SLC37A1: variants seen among roughly 807,000 people sequenced by gnomAD.
SLC37A1 encodes glucose-6-phosphate exchanger SLC37A1.
Under a neutral mutation model 75.3 loss-of-function variants are expected in SLC37A1, and 49 were observed. That is an observed-to-expected ratio of 0.65 (90% CI 0.52 to 0.83). The LOEUF (loss-of-function observed/expected upper bound fraction) is 0.83, where lower values mean the gene tolerates loss of function less well. Ranked by LOEUF, SLC37A1 falls within the 40% of genes least tolerant of loss-of-function variation. The pLI is 0.00. For missense variants in SLC37A1, 566 were observed against 695.0 expected, an observed-to-expected ratio of 0.81 and a Z score of 2.09; for synonymous variants, 268 against 292.1, an observed-to-expected ratio of 0.92 and a Z score of 0.84.
chr21:42,542,463 C>A lies in SLC37A1; in HGVS notation c.546C>A (p.Asn182Lys). 1 of 1,614,096 alleles carries A rather than the reference C, an allele frequency of 6.2e-7. No homozygotes were observed. The highest frequency in any genetic ancestry group is 8.5e-7 in the Non-Finnish European group (1 of 1,179,952). ...GWPSVVTCLG[N>K]WFGKGRRGLI... ...CCAGCGTCGTCACCTGCCTCGGCAA[C>A]TGGTTTGGAAAAGGAAGGTGAGAAA... The change falls in exon 7 of 20, where the codon AAC becomes AAA. Residue 182 changes from asparagine (N) to lysine (K), a missense_variant. By Grantham distance (94) the Asn-to-Lys change is moderately conservative. Coordinates refer to ENST00000352133, the MANE Select transcript of SLC37A1 (RefSeq NM_001320537.2).
At position 42,581,075 on chromosome 21, in the gene SLC37A1, C is replaced by T. The variant is rs117081037; in HGVS notation, c.*715C>T. On this transcript the variant is annotated 3_prime_UTR_variant, in exon 20 of 20. Coordinates refer to ENST00000352133, the MANE Select transcript of SLC37A1 (RefSeq NM_001320537.2). Reference sequence around the variant, plus strand: ...CCCCAAAGTCACCGTCATCCCAGCCCCTGGCCTTCCTGCTGCCCTCCGGGG... The same window carrying T: ...CCCCAAAGTCACCGTCATCCCAGCCTCTGGCCTTCCTGCTGCCCTCCGGGG... The T allele has an allele frequency of 5.5e-3, 847 of 152,724 alleles. 7 individuals carry two copies. Among genetic ancestry groups the T allele is most frequent in the Non-Finnish European group, 9.8e-3 (672 of 68,248 alleles). 9.5% of individuals were successfully genotyped at this position (152,724 alleles called of 1,614,324 possible). A position where few individuals can be genotyped will look rare whatever the true frequency, so the allele number is the denominator to read the frequency against.
rs535674079 is a variant in SLC37A1, at chr21:42,547,460, C to T, written c.768+320C>T. 42 of 295,944 alleles carry T rather than the reference C, an allele frequency of 1.4e-4. No homozygotes were observed. The highest frequency in any genetic ancestry group is 5.4e-4 in the African/African-American group (25 of 46,362). The allele number at this position is 295,944 out of a possible 1,614,324, so 18.3% of individuals were successfully genotyped here. On this transcript the variant is annotated intron_variant, in intron 9 of 19. Transcript: ENST00000352133. The surrounding 1 kb of genome is among the most constrained non-coding windows in gnomAD (Gnocchi z 6.1). ...GGTTTCCCCAGGGGCCTCAGTGTGA[C>T]GGGGAAAAACGCACGTGTCAGCTGC...
At chr21:42,579,840 G>T in intron 19 of SLC37A1, 40 bp downstream of exon 19, 3 of 1,603,180 alleles carry the variant, frequency 1.9e-6, no homozygotes, top group South Asian at 2.2e-5. Flanking sequence ...CGTGAAAGCC[G>T]GCTCCAAAGT....
intron 16 of SLC37A1, among the ~76,000 whole-genome samples, chr21:42,567,800 C>T (rs2056017700): frequency 1.3e-5 from 2 of 152,168 alleles, no homozygotes; most frequent in Non-Finnish European, 2.9e-5. Flanking sequence ...ATTGTCTATG[C>T]AACATTTTCA....
At chr21:42,519,062 C>T (rs147082569) in intron 2 of SLC37A1, among the ~76,000 whole-genome samples, 58 of 152,310 alleles carry the variant, frequency 3.8e-4, no homozygotes, top group African/African-American at 1.4e-3. Flanking sequence ...AGCTGGGCTC[C>T]CTGGCCTCTA....
chr21:42,554,284 T>A (rs1037177751), intron 10 of SLC37A1, 142 bp downstream of exon 10: 5 of 717,746 alleles, frequency 7.0e-6, no homozygotes, highest in Non-Finnish European at 9.0e-6. Context: ...CTCATTGTAT[T>A]TCTTCAGTAA....
intron 17 of SLC37A1, among the ~76,000 whole-genome samples, chr21:42,569,483 ACCTCGTGCCGCACTC>A (rs145509377): frequency 0.36 from 23,244 of 63,762 alleles, 2,563 homozygotes; most frequent in Non-Finnish European, 0.4. Flanking sequence ...CCCACAGGTG[ACCTCGTGCCGCACTC>A]CCTCGTGCCG....
intron 1 of SLC37A1, among the ~76,000 whole-genome samples, chr21:42,516,240 G>T (rs962571497): frequency 2.0e-5 from 3 of 152,240 alleles, no homozygotes; most frequent in Non-Finnish European, 4.4e-5. Context: ...CCATTCTGCT[G>T]CCCTTTCTCT....
At chr21:42,564,376 G>A (rs1007683982) in intron 13 of SLC37A1, among the ~76,000 whole-genome samples, 2 of 152,206 alleles carry the variant, frequency 1.3e-5, no homozygotes, top group African/African-American at 4.8e-5. Context: ...GTGACAGAGT[G>A]AGACCCCATC....
intron 2 of SLC37A1, among the ~76,000 whole-genome samples, chr21:42,519,820 T>G (rs1379752555): frequency 6.6e-6 from 1 of 152,238 alleles, no homozygotes; most frequent in African/African-American, 2.4e-5. Context: ...ATGTCTAGCT[T>G]CTTCATTTTG....
chr21:42,572,972 G>A (rs2056221843), intron 17 of SLC37A1, among the ~76,000 whole-genome samples: 1 of 152,172 alleles, frequency 6.6e-6, no homozygotes, highest in African/African-American at 2.4e-5. Flanking sequence ...CCAGGCAGTG[G>A]GACCCTGCGG....
intron 5 of SLC37A1, among the ~76,000 whole-genome samples, chr21:42,538,778 C>T (rs113231789): frequency 1.3e-5 from 2 of 152,160 alleles, no homozygotes; most frequent in Non-Finnish European, 2.9e-5. Flanking sequence ...CTTTTTACCA[C>T]CCCCCTCGAG....
In SLC37A1 at chr21:42,556,520, G is replaced by A. The variant is rs560896899; in HGVS notation, c.849+2378G>A. Among the ~76,000 whole-genome samples, 112 of 152,320 alleles carry A rather than the reference G, an allele frequency of 7.4e-4. 1 individual carries two copies. Among genetic ancestry groups the A allele is most frequent in the African/African-American group, 2.6e-3 (110 of 41,570 alleles). On this transcript the variant is annotated intron_variant, in intron 10 of 19. Transcript: ENST00000352133. ...GTTATTACGCAGTCCCCCCACATGCGTCTGTGTGTATTTTTGTTGTGTGTG... is the reference window on the plus strand; with the variant it reads ...GTTATTACGCAGTCCCCCCACATGCATCTGTGTGTATTTTTGTTGTGTGTG...
rs2055222880 is a variant in SLC37A1 at position 42,539,577 on chromosome 21, C to T, written c.416C>T (p.Ala139Val). 2 of 1,613,992 alleles carry T rather than the reference C, an allele frequency of 1.2e-6. No homozygotes were observed. The highest frequency in any genetic ancestry group is 1.7e-6 in the Non-Finnish European group (2 of 1,179,952). The change falls in exon 6 of 20, where the codon GCC becomes GTC. Residue 139 changes from alanine (A) to valine (V), a missense_variant. Transcript: ENST00000352133. ...YLTFGMLASG[A>V]FTALFGLGYF... ...ACTTTCGGGATGCTCGCCAGCGGAG[C>T]CTTCACCGCCCTGTTCGGCTTAGGG...
chr21:42,517,590 A>G (rs1182340829), intron 1 of SLC37A1, among the ~76,000 whole-genome samples: 1 of 152,188 alleles, frequency 6.6e-6, no homozygotes, highest in African/African-American at 2.4e-5. Context: ...TGAGTTTGAC[A>G]TTGGGATGGG....
At chr21:42,520,286 C>T (rs2054615819) in intron 2 of SLC37A1, among the ~76,000 whole-genome samples, 1 of 152,166 alleles carries the variant, frequency 6.6e-6, no homozygotes, top group Non-Finnish European at 1.5e-5. Flanking sequence ...TCCTATGGGT[C>T]TCGTCTCTTC....
intron 19 of SLC37A1, 142 bp from the exon 20 acceptor site, chr21:42,580,203 A>G: frequency 1.1e-6 from 1 of 916,430 alleles, no homozygotes; most frequent in Non-Finnish European, 1.8e-6. Context: ...AGCATCCAGC[A>G]CCCCTGCAGG....
rs146126378 is a variant in SLC37A1 at position 42,571,522 on chromosome 21, C to T, written c.1423+3084C>T. ...CTTATTATGTTGTACAGCGGCGTTCCGTCCCCCTCCCCAGCCCTCTCTTTC... is the reference window on the plus strand; with the variant it reads ...CTTATTATGTTGTACAGCGGCGTTCTGTCCCCCTCCCCAGCCCTCTCTTTC... On this transcript the variant is annotated intron_variant, in intron 17 of 19. Coordinates refer to ENST00000352133, the MANE Select transcript of SLC37A1 (RefSeq NM_001320537.2). Among the ~76,000 whole-genome samples the T allele has an allele frequency of 2.0e-3, 302 of 152,274 alleles. 1 individual carries two copies. Among genetic ancestry groups the T allele is most frequent in the African/African-American group, 7.0e-3 (289 of 41,544 alleles).
intron 6 of SLC37A1, among the ~76,000 whole-genome samples, chr21:42,540,792 A>G (rs1569008360): frequency 6.6e-6 from 1 of 152,202 alleles, no homozygotes; most frequent in Non-Finnish European, 1.5e-5. Context: ...GCTTTTCAAG[A>G]TTTTGCCATA....
Sources: allele counts gnomAD v4.1 joint callset (sites outside exome capture counted in the v4.1 genomes callset), GRCh38; gene constraint gnomAD v4.1.1; non-coding constraint Gnocchi (gnomAD v3.1); transcripts MANE v1.5; gene names NCBI Gene and HGNC (gene_info 2026-07-23, HGNC 2026-07-21).